PDE4D: variants seen among roughly 807,000 people sequenced by gnomAD.
PDE4D encodes 3',5'-cyclic-AMP phosphodiesterase 4D.
Under a neutral mutation model 87.4 loss-of-function variants are expected in PDE4D, and 24 were observed. That is an observed-to-expected ratio of 0.27 (90% CI 0.20 to 0.39). The LOEUF (loss-of-function observed/expected upper bound fraction) is 0.39. Among genes scored for constraint, PDE4D ranks in the 10% least tolerant of loss-of-function variants. The probability of loss-of-function intolerance (pLI) is 1.00; values close to 1 mark genes in which losing one functional copy is unlikely to be tolerated. For missense variants in PDE4D, 714 were observed against 1,041.0 expected (o/e 0.69, Z 4.32); for synonymous variants, 384 against 383.2 (o/e 1.00, Z -0.02).
intron 1 of PDE4D, among the ~76,000 whole-genome samples, chr5:59,531,507 C>A (rs1214300331): frequency 6.6e-6 from 1 of 152,108 alleles, no homozygotes; most frequent in Non-Finnish European, 1.5e-5. Flanking sequence ...TAAAATGTAT[C>A]ATTTTATAGT....
At chr5:59,077,477 T>G (rs1022689656) in intron 5 of PDE4D, among the ~76,000 whole-genome samples, 17 of 85,790 alleles carry the variant, frequency 2.0e-4, no homozygotes, top group African/African-American at 4.5e-4. Context: ...TTTTTCTTCT[T>G]TTTTTTTTTT....
chr5:59,841,316 AT>A (rs1742962715), intron 1 of PDE4D, among the ~76,000 whole-genome samples: 1 of 152,090 alleles, frequency 6.6e-6, no homozygotes. Flanking sequence ...TGCCTCTAAC[AT>A]TGTATTGAAC....
chr5:60,395,693 T>G (rs958253425), intron 1 of PDE4D, among the ~76,000 whole-genome samples: 4 of 151,984 alleles, frequency 2.6e-5, no homozygotes, highest in Admixed American at 1.3e-4. Flanking sequence ...TATTTCTCTT[T>G]CTTTTTCAAA....
intron 1 of PDE4D, among the ~76,000 whole-genome samples, chr5:59,818,735 G>T (rs1375555815): frequency 6.6e-6 from 1 of 152,062 alleles, no homozygotes; most frequent in Non-Finnish European, 1.5e-5. Context: ...GAACACTCAT[G>T]GAAACATGTT....
At chr5:59,459,927 G>A (rs1429892163) in intron 1 of PDE4D, among the ~76,000 whole-genome samples, 8 of 152,176 alleles carry the variant, frequency 5.3e-5, no homozygotes, top group Non-Finnish European at 1.0e-4. Flanking sequence ...GGGATGCCTT[G>A]TTAAGACATA....
intron 1 of PDE4D, among the ~76,000 whole-genome samples, chr5:60,270,794 T>C (rs1562275908): frequency 6.6e-6 from 1 of 152,196 alleles, no homozygotes; most frequent in Non-Finnish European, 1.5e-5. Context: ...ACAGTAACCC[T>C]GGACTTAAAT....
In PDE4D at chr5:59,232,185, C is replaced by CA. The variant is rs138583970; in HGVS notation, c.456-16218dup. On this transcript the variant is annotated intron_variant, in intron 1 of 14. Transcript: ENST00000340635. ...CAGGCAAATGGGACTATATTAAAAC[C>CA]AAAAATCTCTACATAGCAAAGAAAA... is the stretch of plus-strand genomic sequence containing the variant. Among the ~76,000 whole-genome samples the CA allele has an allele frequency of 8.9e-3, 1,349 of 151,998 alleles. 22 individuals carry two copies. The highest frequency in any genetic ancestry group is 0.03 in the African/African-American group (1,228 of 41,472).
intron 1 of PDE4D, among the ~76,000 whole-genome samples, chr5:59,866,066 A>G (rs1285870735): frequency 6.6e-6 from 1 of 152,224 alleles, no homozygotes; most frequent in Non-Finnish European, 1.5e-5. Flanking sequence ...TATGAGTAAG[A>G]AAGCTTATTA....
chr5:59,079,453 C>T (rs988703279), intron 5 of PDE4D, among the ~76,000 whole-genome samples: 1 of 151,988 alleles, frequency 6.6e-6, no homozygotes, highest in Non-Finnish European at 1.5e-5. Flanking sequence ...TTTTTGAAAA[C>T]ATAACTGAGT....
chr5:60,425,893 C>G (rs1199793467), intron 1 of PDE4D, among the ~76,000 whole-genome samples: 4 of 152,160 alleles, frequency 2.6e-5, no homozygotes, highest in African/African-American at 9.7e-5. Context: ...AGACACTTCT[C>G]AAAAGAAGAC....
At chr5:60,439,043 A>G (rs1218566534) in intron 1 of PDE4D, among the ~76,000 whole-genome samples, 2 of 152,178 alleles carry the variant, frequency 1.3e-5, no homozygotes, top group African/African-American at 4.8e-5. Context: ...GGAACTGGCT[A>G]TGTACATGAT....
chr5:60,051,429 G>C (rs907196492), intron 2 of PDE4D, among the ~76,000 whole-genome samples: 3 of 152,174 alleles, frequency 2.0e-5, no homozygotes, highest in Non-Finnish European at 2.9e-5. Context: ...ACCTGCTCCT[G>C]AATGACTACT....
intron 1 of PDE4D, among the ~76,000 whole-genome samples, chr5:59,402,532 C>G (rs980934673): frequency 6.6e-6 from 1 of 152,126 alleles, no homozygotes; most frequent in Non-Finnish European, 1.5e-5. Flanking sequence ...CATGTTAAAC[C>G]TATCAAAGAT....
At chr5:59,790,833 T>G (rs1765702646) in intron 1 of PDE4D, among the ~76,000 whole-genome samples, 1 of 152,186 alleles carries the variant, frequency 6.6e-6, no homozygotes, top group African/African-American at 2.4e-5. Flanking sequence ...AAACTTCCTG[T>G]CTACTACTAT....
chr5:59,886,565 T>C (rs1750193375), intron 1 of PDE4D, among the ~76,000 whole-genome samples: 1 of 151,340 alleles, frequency 6.6e-6, no homozygotes, highest in African/African-American at 2.4e-5. Context: ...TCCTTCTTTG[T>C]GTAGGAATAT....
chr5:59,779,176 G>A (rs908853762), intron 1 of PDE4D, among the ~76,000 whole-genome samples: 37 of 151,082 alleles, frequency 2.4e-4, no homozygotes, highest in African/African-American at 8.8e-4. Flanking sequence ...AAAAAAAAAA[G>A]AAAGAAATCC....
At chr5:60,334,535 T>C (rs564270631) in intron 1 of PDE4D, among the ~76,000 whole-genome samples, 2 of 152,262 alleles carry the variant, frequency 1.3e-5, no homozygotes, top group South Asian at 2.1e-4. Context: ...TCTGACTTCA[T>C]GCCTAGCCCT....
chr5:59,828,122 T>C (rs1358988762), intron 1 of PDE4D, among the ~76,000 whole-genome samples: 1 of 151,740 alleles, frequency 6.6e-6, no homozygotes, highest in African/African-American at 2.4e-5. Flanking sequence ...GTAAAAATGA[T>C]TTGAGGCCAA....
At chr5:59,324,614 G>C (rs244570) in intron 1 of PDE4D, among the ~76,000 whole-genome samples, 170 of 152,208 alleles carry the variant, frequency 1.1e-3, no homozygotes, top group Admixed American at 0.01. Context: ...CATGTAATAG[G>C]TGGACCTGTG....
Sources: allele counts gnomAD v4.1 joint callset (sites outside exome capture counted in the v4.1 genomes callset), GRCh38; gene constraint gnomAD v4.1.1; transcripts MANE v1.5; gene names NCBI Gene and HGNC (gene_info 2026-07-23, HGNC 2026-07-21).